Variants in RTL4 observed in about 807,000 individuals in gnomAD.
RTL4 encodes the protein retrotransposon Gag-like protein 4.
In RTL4, 4 loss-of-function variants were observed where a neutral mutation model predicts 5.3. That is an observed-to-expected ratio of 0.75 (90% CI 0.37 to 1.72). RTL4 has a LOEUF of 1.72. Ranked by LOEUF, RTL4 falls within the 40% of genes most tolerant of loss-of-function variation. The pLI is 0.04. For synonymous variants in RTL4, 98 were observed against 87.3 expected (o/e 1.12, Z -0.68); for missense variants, 260 against 227.1 (o/e 1.14, Z -0.93).
chrX:112,260,949 G>T, the RTL4 span, among the ~76,000 whole-genome samples: 6 of 111,850 alleles, frequency 5.4e-5, no homozygotes, highest in Non-Finnish European at 7.5e-5. Flanking sequence ...GTGGTTATTT[G>T]ATTTAAAGCA....
the RTL4 span, among the ~76,000 whole-genome samples, chrX:112,291,386 AC>A: frequency 8.3e-5 from 9 of 108,995 alleles, no homozygotes; most frequent in Admixed American, 2.0e-4. Context: ...ACACACACAC[AC>A]ACACACACAC....
the RTL4 span, among the ~76,000 whole-genome samples, chrX:112,143,557 A>G: frequency 2.7e-5 from 3 of 112,026 alleles, no homozygotes; most frequent in Non-Finnish European, 5.6e-5. Flanking sequence ...GCAAGGTCAC[A>G]TGATTAAATC....
the RTL4 span, among the ~76,000 whole-genome samples, chrX:112,183,397 G>C: frequency 0.076 from 8,523 of 111,657 alleles, 684 homozygotes; most frequent in African/African-American, 0.24. Flanking sequence ...AGACCAATCA[G>C]TGTGCTGTAT....
chrX:112,263,941 G>A, the RTL4 span, among the ~76,000 whole-genome samples: 19 of 111,813 alleles, frequency 1.7e-4, no homozygotes, highest in Non-Finnish European at 3.4e-4. Context: ...AGGAGTTTAA[G>A]GATTCATCTC....
chrX:112,201,426 C>G, the RTL4 span, among the ~76,000 whole-genome samples: 1 of 111,050 alleles, frequency 9.0e-6, no homozygotes, highest in African/African-American at 3.3e-5. Context: ...TCACTTACAT[C>G]CAGTCTTAGA....
At chrX:112,236,029 C>T in the RTL4 span, among the ~76,000 whole-genome samples, 7 of 110,582 alleles carry the variant, frequency 6.3e-5, no homozygotes, top group South Asian at 3.9e-4. Flanking sequence ...GCTTTGGAGG[C>T]GGAGTAGGAA....
the RTL4 span, among the ~76,000 whole-genome samples, chrX:112,360,526 C>T: frequency 9.0e-6 from 1 of 110,756 alleles, no homozygotes; most frequent in Non-Finnish European, 1.9e-5. Flanking sequence ...TCTTTCAGAA[C>T]ATAGCATATC....
chrX:112,451,730 C>T (rs749601253), upstream of RTL4, among the ~76,000 whole-genome samples: 3 of 111,457 alleles, frequency 2.7e-5, no homozygotes, highest in East Asian at 2.8e-4. Context: ...AATTCTACCA[C>T]GTGGGAGAGA....
At chrX:112,121,705 T>C in the RTL4 span, among the ~76,000 whole-genome samples, 3 of 111,699 alleles carry the variant, frequency 2.7e-5, no homozygotes, top group African/African-American at 9.7e-5. Flanking sequence ...CAAATTGATT[T>C]CAGTAACATC....
the RTL4 span, among the ~76,000 whole-genome samples, chrX:112,132,626 G>T: frequency 8.9e-6 from 1 of 112,220 alleles, no homozygotes; most frequent in Non-Finnish European, 1.9e-5. Context: ...ACTAGAAAGA[G>T]AATTACAGTG....
the RTL4 span, among the ~76,000 whole-genome samples, chrX:112,224,888 G>A: frequency 3.6e-5 from 4 of 111,665 alleles, no homozygotes; most frequent in African/African-American, 1.3e-4. Flanking sequence ...CTGACCTATA[G>A]CTCTCAGGAA....
At chrX:112,235,546 A>G in the RTL4 span, among the ~76,000 whole-genome samples, 1 of 112,230 alleles carries the variant, frequency 8.9e-6, no homozygotes, top group South Asian at 3.7e-4. Flanking sequence ...GAGTTTGACT[A>G]CACAGCATCT....
At chrX:112,281,237 G>A in the RTL4 span, among the ~76,000 whole-genome samples, 2 of 111,512 alleles carry the variant, frequency 1.8e-5, no homozygotes, top group Admixed American at 9.6e-5. Context: ...TTGATCCTGT[G>A]GCATTTGTCT....
At chrX:112,449,765 GT>G (rs372268834), upstream of RTL4, among the ~76,000 whole-genome samples, 88 of 112,217 alleles carry the variant, frequency 7.8e-4, no homozygotes, top group African/African-American at 2.7e-3. Flanking sequence ...GATAGTCAAT[GT>G]TGGGGTCTCC....
chrX:112,104,904 C>T, the RTL4 span, among the ~76,000 whole-genome samples: 1 of 111,598 alleles, frequency 9.0e-6, no homozygotes, highest in African/African-American at 3.3e-5. Flanking sequence ...TGAAATAATT[C>T]CACTGTGTAT....
chrX:112,200,514 A>G, the RTL4 span, among the ~76,000 whole-genome samples: 6 of 112,288 alleles, frequency 5.3e-5, no homozygotes, highest in African/African-American at 9.7e-5. Flanking sequence ...TGGGAGAACT[A>G]GAATTCCGGC....
the RTL4 span, among the ~76,000 whole-genome samples, chrX:112,332,341 C>T: frequency 1.8e-5 from 2 of 110,273 alleles, no homozygotes; most frequent in African/African-American, 6.6e-5. Context: ...GGTATATACC[C>T]AAGGGATTAT....
the RTL4 span, among the ~76,000 whole-genome samples, chrX:112,431,913 A>G: frequency 1.3e-5 from 1 of 79,340 alleles, no homozygotes; most frequent in African/African-American, 4.9e-5. Flanking sequence ...CCAGAGTGTG[A>G]TGTTCCCCTT....
chrX:112,321,384 A>G, the RTL4 span, among the ~76,000 whole-genome samples: 2 of 109,807 alleles, frequency 1.8e-5, no homozygotes, highest in South Asian at 7.9e-4. Flanking sequence ...AAAAATACAA[A>G]AATTCGCTGG....
Sources: allele counts gnomAD v4.1 joint callset (sites outside exome capture counted in the v4.1 genomes callset), GRCh38; gene constraint gnomAD v4.1.1; transcripts MANE v1.5; gene names NCBI Gene and HGNC (gene_info 2026-07-23, HGNC 2026-07-21).